The following THSD7B variants were observed in gnomAD, a reference collection of about 807,000 sequenced individuals.
THSD7B encodes thrombospondin type 1 domain containing 7B.
THSD7B carries 138 observed loss-of-function variants against 213.6 expected under a neutral mutation model. The observed-to-expected ratio is 0.65, with a 90% CI of 0.56 to 0.74. The LOEUF (loss-of-function observed/expected upper bound fraction) is 0.74, where lower values mean the gene tolerates loss of function less well. Among genes scored for constraint, THSD7B ranks in the 30% least tolerant of loss-of-function variants. The pLI is 0.00. For missense variants in THSD7B, 1,931 were observed against 1,991.5 expected, an observed-to-expected ratio of 0.97 and a Z score of 0.58; for synonymous variants, 742 against 687.0, an observed-to-expected ratio of 1.08 and a Z score of -1.25.
In THSD7B at chr2:136,903,952, GTGTGTGTGTGTGTGTGTGTGTT is replaced by G. The variant is rs1339934274; in HGVS notation, c.139+21639_139+21660del. Among the ~76,000 whole-genome samples, 220 of 72,710 alleles carry G rather than the reference GTGTGTGTGTGTGTGTGTGTGTT, an allele frequency of 3.0e-3. 1 individual carries two copies. The highest frequency in any genetic ancestry group is 9.3e-3 in the African/African-American group (186 of 19,914). The allele number at this position is 72,710 out of a possible 152,430, so 47.7% of individuals were successfully genotyped here. Reference sequence around the variant, plus strand: ...TGTGTGTGTGTGTGTGTGTGTGTGTGTGTGTGTGTGTGTGTGTGTGTTTGTTTGTTTCTGAGCTGGGCCGGCA... The same window carrying G: ...TGTGTGTGTGTGTGTGTGTGTGTGTGTGTTTGTTTCTGAGCTGGGCCGGCA... On this transcript the variant is annotated intron_variant, in intron 2 of 27. Transcript: ENST00000409968.
rs921363087 is a variant in THSD7B, at chr2:137,289,759, G to C, written c.2500+13733G>C. 2.6e-5 allele frequency among the ~76,000 whole-genome samples: 4 copies of C among 151,910 alleles called. No homozygotes were observed. The South Asian group carries it at 8.4e-4, about 32-fold the overall frequency. ...AGCTTTAAAACTCAGGGTTCAAAGA[G>C]TGATGATAGGACCACCCTGTACAAT... On this transcript the variant is annotated intron_variant, in intron 12 of 27. Transcript: ENST00000409968.
chr2:137,633,635 C>G (rs1682781451), intron 20 of THSD7B, among the ~76,000 whole-genome samples: 1 of 152,066 alleles, frequency 6.6e-6, no homozygotes, highest in South Asian at 2.1e-4. Flanking sequence ...CTCAGTTTAT[C>G]ATATGTTAAA....
chr2:137,075,289 T>G (rs1359895692), intron 3 of THSD7B, among the ~76,000 whole-genome samples: 6 of 152,174 alleles, frequency 3.9e-5, no homozygotes, highest in Non-Finnish European at 7.3e-5. Flanking sequence ...TCATTTCTTT[T>G]TATTCTTTTT....
intron 22 of THSD7B, 79 bp from the exon 23 acceptor site, chr2:137,656,717 G>A: frequency 7.1e-7 from 1 of 1,400,378 alleles, no homozygotes; most frequent in Non-Finnish European, 9.7e-7. Flanking sequence ...AAATCTCTGT[G>A]TGAGCCCTGC....
At chr2:136,954,740 T>TAAG (rs773677139) in intron 2 of THSD7B, among the ~76,000 whole-genome samples, 14 of 137,494 alleles carry the variant, frequency 1.0e-4, no homozygotes, top group African/African-American at 3.4e-4. Context: ...AAAAAGAAAT[T>TAAG]ACATAAGAGC....
intron 5 of THSD7B, among the ~76,000 whole-genome samples, chr2:137,137,674 A>G (rs750367009): frequency 3.5e-4 from 54 of 152,118 alleles, no homozygotes; most frequent in Admixed American, 7.9e-4. Flanking sequence ...TGTTTGCACC[A>G]CAAAATTGCC....
At chr2:136,788,081 G>A (rs1681901335) in intron 1 of THSD7B, among the ~76,000 whole-genome samples, 1 of 152,206 alleles carries the variant, frequency 6.6e-6, no homozygotes, top group Admixed American at 6.5e-5. Flanking sequence ...GAAGCCAACT[G>A]GAGGGTAAGG....
At chr2:136,847,303 A>G (rs1273414710) in intron 1 of THSD7B, among the ~76,000 whole-genome samples, 2 of 152,220 alleles carry the variant, frequency 1.3e-5, no homozygotes, top group Admixed American at 6.5e-5. Flanking sequence ...CCATGATGGA[A>G]GTGAATATGC....
rs1369097375 is a variant in THSD7B at position 137,488,028 on chromosome 2, G to T, written c.3138+37005G>T. Among the ~76,000 whole-genome samples, 23 of 12,352 alleles carry T rather than the reference G, an allele frequency of 1.9e-3. 10 individuals are homozygous for T. Among genetic ancestry groups the T allele is most frequent in the African/African-American group, 3.7e-3 (23 of 6,258 alleles). The allele number at this position is 12,352 out of a possible 152,430, so 8.1% of individuals were successfully genotyped here. On this transcript the variant is annotated intron_variant, in intron 15 of 27. Coordinates refer to ENST00000409968, the MANE Select transcript of THSD7B (RefSeq NM_001316349.2). ...TCCGCCCGCCTCGGCCTCCCAAAGT[G>T]CTGGGATTACAGGCGTGAGCCACCG...
At chr2:136,887,189 G>C (rs1207875544) in intron 2 of THSD7B, among the ~76,000 whole-genome samples, 1 of 151,988 alleles carries the variant, frequency 6.6e-6, no homozygotes, top group African/African-American at 2.4e-5. Context: ...TCTAATTTCA[G>C]AACATTTTCA....
intron 12 of THSD7B, among the ~76,000 whole-genome samples, chr2:137,370,036 G>A (rs900768759): frequency 4.6e-5 from 7 of 152,068 alleles, no homozygotes; most frequent in African/African-American, 1.7e-4. Context: ...ATAAATAATA[G>A]GTGGACTATC....
intron 2 of THSD7B, among the ~76,000 whole-genome samples, chr2:136,938,978 C>T (rs1573721731): frequency 6.6e-6 from 1 of 152,118 alleles, no homozygotes. Flanking sequence ...CTGTGTGACT[C>T]GAAAACAGTA....
intron 1 of THSD7B, among the ~76,000 whole-genome samples, chr2:136,825,076 G>A (rs1682622690): frequency 6.6e-6 from 1 of 152,126 alleles, no homozygotes; most frequent in Non-Finnish European, 1.5e-5. Flanking sequence ...ATTTTAGAAT[G>A]TGATTTCTTT....
chr2:137,309,712 G>A (rs531950635), intron 12 of THSD7B, among the ~76,000 whole-genome samples: 275 of 151,834 alleles, frequency 1.8e-3, no homozygotes, highest in African/African-American at 5.9e-3. Context: ...GTGTCCATGT[G>A]TACTCATTGT....
intron 12 of THSD7B, among the ~76,000 whole-genome samples, chr2:137,404,007 G>T (rs1686437149): frequency 6.6e-6 from 1 of 152,128 alleles, no homozygotes; most frequent in Non-Finnish European, 1.5e-5. Flanking sequence ...TATATTCTTT[G>T]AGAGTCTATA....
intron 1 of THSD7B, among the ~76,000 whole-genome samples, chr2:136,802,540 C>G (rs898970668): frequency 6.6e-6 from 1 of 150,632 alleles, no homozygotes; most frequent in Non-Finnish European, 1.5e-5. Context: ...AATTGAAATG[C>G]TGTACAGCTT....
intron 2 of THSD7B, among the ~76,000 whole-genome samples, chr2:136,963,550 A>G (rs1350544844): frequency 6.6e-6 from 1 of 152,196 alleles, no homozygotes; most frequent in Non-Finnish European, 1.5e-5. Context: ...AGGCTGAGGC[A>G]GGAGGATTGC....
At chr2:136,889,302 G>T (rs567172239) in intron 2 of THSD7B, among the ~76,000 whole-genome samples, 44 of 152,128 alleles carry the variant, frequency 2.9e-4, no homozygotes, top group African/African-American at 1.0e-3. Flanking sequence ...GACAGTTTCA[G>T]CTCTTTTTGC....
chr2:137,590,792 G>GTTTTTTTTTTTTTTT (rs1215185747), intron 17 of THSD7B, among the ~76,000 whole-genome samples: 25 of 88,702 alleles, frequency 2.8e-4, no homozygotes, highest in African/African-American at 6.5e-4. Context: ...CTTTGAAATA[G>GTTTTTTTTTTTTTTT]TTTTTTTTTT....
Sources: gnomAD v4.1 joint callset for allele counts (sites outside exome capture counted in the v4.1 genomes callset) on GRCh38, gnomAD v4.1.1 for gene constraint, MANE v1.5 for transcripts, NCBI Gene and HGNC (gene_info 2026-07-23, HGNC 2026-07-21) for gene names.